The following TNKS1BP1 variants were observed in gnomAD, a reference collection of about 807,000 sequenced individuals.
TNKS1BP1 encodes CCR4-NOT transcription complex subunit 12.
TNKS1BP1 carries 48 observed loss-of-function variants against 141.1 expected under a neutral mutation model. That is an observed-to-expected ratio of 0.34 (90% CI 0.27 to 0.43). The LOEUF (loss-of-function observed/expected upper bound fraction) is 0.43, where lower values mean the gene tolerates loss of function less well. TNKS1BP1 is among the 20% of genes least tolerant of loss of function. The pLI, the probability that TNKS1BP1 is intolerant of heterozygous loss-of-function variation, is 1.00. For missense variants in TNKS1BP1, 2,149 were observed against 2,226.0 expected (o/e 0.97, Z 0.70); for synonymous variants, 875 against 898.2 (o/e 0.97, Z 0.46).
Position 57,324,790 on chromosome 11 carries a change from C to G in TNKS1BP1, c.-66+50G>C, listed in dbSNP as rs1444606846. The G allele has an allele frequency of 5.1e-6, 5 of 985,516 alleles. No homozygotes were observed. In the African/African-American group the frequency reaches 8.7e-5, roughly 17 times the overall value. 61.0% of individuals were successfully genotyped at this position (985,516 alleles called of 1,614,324 possible). On this transcript the variant is annotated intron_variant, in intron 1 of 11. Coordinates refer to ENST00000358252, the MANE Select transcript of TNKS1BP1 (RefSeq NM_033396.3). ...ACTCCTTCCATGCCCCTCCCCCGCC[C>G]CATCCCGGACCCCGCCCCCTCCTTC...
chr11:57,302,644 C>T lies in TNKS1BP1; in HGVS notation c.4498G>A (p.Gly1500Ser). ...GAAQEEVLEPGRDSPPSWRPQ... is the reference protein window; with the variant it reads ...GAAQEEVLEPSRDSPPSWRPQ... ...CTCCAGGAGGGTGGAGAGTCCCTGC[C>T]AGGCTCCAGCACCTCCTCTTGGGCA... The change falls in exon 7 of 12, where the codon GGC becomes AGC. Residue 1500 changes from glycine (G) to serine (S), a missense_variant. Gly to Ser is a moderately conservative substitution (Grantham distance 56). Transcript: ENST00000358252. This position sits in a 1 kb window ranked among gnomAD's most constrained non-coding sequence, Gnocchi z 5.5. 1 of 1,610,714 alleles carries T rather than the reference C, an allele frequency of 6.2e-7. No homozygotes were observed. The highest frequency in any genetic ancestry group is 8.5e-7 in the Non-Finnish European group (1 of 1,179,312).
At chr11:57,308,252 A>C in intron 6 of TNKS1BP1, 143 bp downstream of exon 6, 1 of 1,217,128 alleles carries the variant, frequency 8.2e-7, no homozygotes, top group Non-Finnish European at 1.1e-6. Flanking sequence ...AGAACTAAAA[A>C]TTCTTAGTCC....
rs148991284 is a variant in TNKS1BP1 at position 57,308,664 on chromosome 11, C to T, written c.4047G>A (p.Ala1349=). ...VGQMDWTQDL[A]PQNVELFGAP... ...CCCCAAAGAGCTCCACATTCTGGGG[C>T]GCCAAGTCCTGGGTCCAGTCCATCT... The change falls in exon 6 of 12, where the codon GCG becomes GCA. Residue 1349 remains alanine, a synonymous_variant. Transcript: ENST00000358252. The T allele has an allele frequency of 2.0e-5, 33 of 1,612,856 alleles. No homozygotes were observed. Among genetic ancestry groups the T allele is most frequent in the South Asian group, 6.6e-5 (6 of 91,088 alleles).
At position 57,302,285 on chromosome 11, in the gene TNKS1BP1, C is replaced by T; in HGVS notation, c.4684-61G>A. 1 of 1,566,770 alleles carries T rather than the reference C, an allele frequency of 6.4e-7. No homozygotes were observed. The highest frequency in any genetic ancestry group is 1.1e-5 in the South Asian group (1 of 87,836). ...GCCTCATCCCACGGGAGCCCCTCAA[C>T]AGTAGCTGACCAGGAGCTGGACCCC... On this transcript the variant is annotated intron_variant, in intron 7 of 11. Coordinates refer to ENST00000358252, the MANE Select transcript of TNKS1BP1 (RefSeq NM_033396.3). The surrounding 1 kb of genome is among the most constrained non-coding windows in gnomAD (Gnocchi z 5.5).
Position 57,313,907 on chromosome 11 carries a change from G to C in TNKS1BP1, c.799-18C>G, listed in dbSNP as rs1311408179. 2 of 1,481,188 alleles carry C rather than the reference G, an allele frequency of 1.4e-6. No individual in the cohort carries two copies. The highest frequency in any genetic ancestry group is 2.9e-5 in the South Asian group (2 of 69,706). The allele number at this position is 1,481,188 out of a possible 1,614,324, so 91.8% of individuals were successfully genotyped here. ...TTGGAAATCTGCAAGAGAAAGAAAG[G>C]TCAAGATCCGTCACTCACCTCTCAG... On this transcript the variant is annotated intron_variant, in intron 4 of 11. Transcript: ENST00000358252.
intron 4 of TNKS1BP1, among the ~76,000 whole-genome samples, chr11:57,315,650 G>A (rs1309627461): frequency 6.6e-6 from 1 of 151,022 alleles, no homozygotes; most frequent in African/African-American, 2.4e-5. Flanking sequence ...ATCTTCTCCC[G>A]TCAGACCTCC....
At chr11:57,323,569 C>T (rs1855917513) in intron 1 of TNKS1BP1, among the ~76,000 whole-genome samples, 1 of 152,128 alleles carries the variant, frequency 6.6e-6, no homozygotes, top group Non-Finnish European at 1.5e-5. Context: ...CAACACCCCT[C>T]CCCTAACGCT....
At chr11:57,312,116 C>T (rs1855721626) in intron 5 of TNKS1BP1, among the ~76,000 whole-genome samples, 1 of 152,132 alleles carries the variant, frequency 6.6e-6, no homozygotes, top group African/African-American at 2.4e-5. Context: ...CCCAGGAGCC[C>T]ACGCTCTAAA....
At chr11:57,301,163 C>A in intron 9 of TNKS1BP1, 122 bp from the exon 10 acceptor site, 1 of 1,064,602 alleles carries the variant, frequency 9.4e-7, no homozygotes, top group Non-Finnish European at 1.3e-6. Context: ...CTCTGCAGTC[C>A]TTTCACCCCA....
At chr11:57,306,529 C>T (rs1053709275) in intron 6 of TNKS1BP1, among the ~76,000 whole-genome samples, 21 of 152,074 alleles carry the variant, frequency 1.4e-4, no homozygotes, top group African/African-American at 4.6e-4. Context: ...AAAGGCTGCC[C>T]GAAAGCATAA....
chr11:57,323,899 G>C (rs982649595), intron 1 of TNKS1BP1, among the ~76,000 whole-genome samples: 2 of 152,188 alleles, frequency 1.3e-5, no homozygotes, highest in African/African-American at 2.4e-5. Context: ...TGCGGTATGA[G>C]GGGCTGCAGC....
Position 57,320,626 on chromosome 11 carries a change from C to A in TNKS1BP1, c.181G>T (p.Val61Leu). 6.2e-7 allele frequency: 1 copy of A among 1,613,468 alleles called. No individual in the cohort carries two copies. The highest frequency in any genetic ancestry group is 1.1e-5 in the South Asian group (1 of 91,044). Residue 61 changes from valine (V) to leucine (L), a missense_variant, in exon 3 of 12, where the codon GTG becomes TTG. Transcript: ENST00000358252. ...CGGGGAGGCCGAGGCCCAACAGGCA[C>A]CAGCAGGCTGGGTTTGGCAGGCAGG... ...PALPAKPSLLVPVGPRPPRGP... is the reference protein window; with the variant it reads ...PALPAKPSLLLPVGPRPPRGP...
intron 6 of TNKS1BP1, among the ~76,000 whole-genome samples, chr11:57,303,703 CCT>C (rs1565038129): frequency 6.6e-6 from 1 of 152,218 alleles, no homozygotes; most frequent in Non-Finnish European, 1.5e-5. Context: ...GGCTGGGTCA[CCT>C]TGGACCTCCA....
rs1364442882 is a variant in TNKS1BP1, at chr11:57,309,720, T to C, written c.2991A>G (p.Glu997=). Residue 997 remains glutamate (E), a synonymous_variant, in exon 6 of 12, where the codon GAA becomes GAG. Transcript: ENST00000358252. This position sits in a 1 kb window ranked among gnomAD's most constrained non-coding sequence, Gnocchi z 4.3. ...CCACACTTGGAATCTTCTTCTCAAATTCCTCATCCTGTTGCTGGGCTTCCT... is the reference window on the plus strand; with the variant it reads ...CCACACTTGGAATCTTCTTCTCAAACTCCTCATCCTGTTGCTGGGCTTCCT... ...SPEEAQQQDE[E]FEKKIPSVED... 3 of 1,614,184 alleles carry C rather than the reference T, an allele frequency of 1.9e-6. No individual in the cohort carries two copies. Among genetic ancestry groups the C allele is most frequent in the Non-Finnish European group, 2.5e-6 (3 of 1,180,026 alleles).
rs770863279 is a variant in TNKS1BP1, at chr11:57,313,575, G to A, written c.1113C>T (p.Pro371=). 7.5e-6 allele frequency: 12 copies of A among 1,591,222 alleles called. No homozygotes were observed. The South Asian group carries it at 1.1e-4, about 15-fold the overall frequency. ...GGCTATGGGGCTCCAAGACCTCAGG[G>A]GGTGGGCTGCTGGGTCTGGGGGCCT... is the stretch of plus-strand genomic sequence containing the variant. ...APEAPRPSSP[P]PEVLEPHSLD... is the part of the protein sequence containing the mutation. The change falls in exon 5 of 12, where the codon CCC becomes CCT. Residue 371 remains proline, a synonymous_variant. Coordinates refer to ENST00000358252, the MANE Select transcript of TNKS1BP1 (RefSeq NM_033396.3).
rs1285205017 is a variant in TNKS1BP1 at position 57,308,501 on chromosome 11, T to C, written c.4210A>G (p.Thr1404Ala). 6 of 1,614,004 alleles carry C rather than the reference T, an allele frequency of 3.7e-6. No individual in the cohort carries two copies. The highest frequency in any genetic ancestry group is 4.2e-6 in the Non-Finnish European group (5 of 1,180,022). The change falls in exon 6 of 12, where the codon ACA becomes GCA. Residue 1404 changes from threonine to alanine, a missense_variant. Coordinates refer to ENST00000358252, the MANE Select transcript of TNKS1BP1 (RefSeq NM_033396.3). The part of the protein sequence containing the change: ...LEARELGVGE[T>A]SGPETQGEDY... ...TCACCCTGGGTCTCTGGCCCACTTGTCTCACCAACCCCCAGCTCCCTGGCC... is the reference window on the plus strand; with the variant it reads ...TCACCCTGGGTCTCTGGCCCACTTGCCTCACCAACCCCCAGCTCCCTGGCC...
intron 2 of TNKS1BP1, among the ~76,000 whole-genome samples, chr11:57,321,402 G>A (rs1364666295): frequency 6.6e-6 from 1 of 152,098 alleles, no homozygotes; most frequent in Non-Finnish European, 1.5e-5. Flanking sequence ...TCCTCCTGAT[G>A]GAATCCCGTA....
In TNKS1BP1 at chr11:57,309,581, C is replaced by A. The variant is rs780942582; in HGVS notation, c.3130G>T (p.Asp1044Tyr). The A allele has an allele frequency of 2.5e-6, 4 of 1,613,578 alleles. No homozygotes were observed. The highest frequency in any genetic ancestry group is 1.7e-5 in the Admixed American group (1 of 60,036). ...HVPDGALGQR[D>Y]QSSWQNSDAS... ...TCACTGTTTTGCCAGCTGCTCTGGT[C>A]TCTCTGCCCGAGTGCCCCATCCGGC... The change falls in exon 6 of 12, where the codon GAC becomes TAC. Residue 1044 changes from aspartate to tyrosine, a missense_variant. Transcript: ENST00000358252. The surrounding 1 kb of genome is among the most constrained non-coding windows in gnomAD (Gnocchi z 4.3).
Position 57,313,763 on chromosome 11 carries a change from T to C in TNKS1BP1, c.925A>G (p.Lys309Glu), listed in dbSNP as rs780954830. Reference sequence around the variant, plus strand: ...AGCTGTGAGTGGCAGGGAGAACTCTTATCAGGCGGGTGAAGATGGGGAGAG... The same window carrying C: ...AGCTGTGAGTGGCAGGGAGAACTCTCATCAGGCGGGTGAAGATGGGGAGAG... ...PGSPHLHPPD[K>E]SSPCHSQLLE... The change falls in exon 5 of 12, where the codon AAG (lysine) becomes GAG (glutamate). Residue 309 changes from lysine to glutamate, a missense_variant. By Grantham distance (56) the Lys-to-Glu change is moderately conservative. Transcript: ENST00000358252. The C allele has an allele frequency of 3.1e-6, 5 of 1,601,322 alleles. No homozygotes were observed. Among genetic ancestry groups the C allele is most frequent in the Non-Finnish European group, 3.4e-6 (4 of 1,174,570 alleles).
Sources: allele counts gnomAD v4.1 joint callset (sites outside exome capture counted in the v4.1 genomes callset), GRCh38; gene constraint gnomAD v4.1.1; non-coding constraint Gnocchi (gnomAD v3.1); transcripts MANE v1.5; gene names NCBI Gene and HGNC (gene_info 2026-07-23, HGNC 2026-07-21).